The following CEP128 variants were observed in gnomAD, a reference collection of about 807,000 sequenced individuals.
CEP128 encodes the protein centrosomal protein 128kDa.
Under a neutral mutation model 156.7 loss-of-function variants are expected in CEP128, and 132 were observed. The observed-to-expected ratio is 0.84, with a 90% confidence interval of 0.73 to 0.97. CEP128 has a LOEUF of 0.97. Among genes scored for constraint, CEP128 ranks in the 50% least tolerant of loss-of-function variants. CEP128 has a pLI of 0.00. For synonymous variants in CEP128, 469 were observed against 448.9 expected, an observed-to-expected ratio of 1.04 and a Z score of -0.57; for missense variants, 1,252 against 1,281.9, an observed-to-expected ratio of 0.98 and a Z score of 0.36.
chr14:80,530,401 AT>A (rs1295163610), intron 22 of CEP128, among the ~76,000 whole-genome samples: 4 of 152,244 alleles, frequency 2.6e-5, no homozygotes, highest in Non-Finnish European at 5.9e-5. Context: ...TTCATATGTC[AT>A]AGTGTAAAGA....
chr14:80,713,525 A>T (rs745876074), intron 19 of CEP128, among the ~76,000 whole-genome samples: 5 of 152,050 alleles, frequency 3.3e-5, no homozygotes, highest in Non-Finnish European at 5.9e-5. Context: ...CCAAGCAGAG[A>T]TGGTGCCTCC....
At chr14:80,613,435 T>C (rs1351989140) in intron 19 of CEP128, among the ~76,000 whole-genome samples, 1 of 149,734 alleles carries the variant, frequency 6.7e-6, no homozygotes, top group African/African-American at 2.5e-5. Context: ...CTCGAGTAAT[T>C]GGGACTACAG....
chr14:80,625,090 A>C lies in CEP128; in HGVS notation c.2807-44667T>G, dbSNP rs904354972. Among the ~76,000 whole-genome samples, 4 of 152,290 alleles carry C rather than the reference A, an allele frequency of 2.6e-5. No individual in the cohort carries two copies. In the East Asian group the frequency reaches 7.7e-4, roughly 29 times the overall value. On this transcript the variant is annotated intron_variant, in intron 19 of 24. Coordinates refer to ENST00000555265, the MANE Select transcript of CEP128 (RefSeq NM_152446.5). Reference sequence around the variant, plus strand: ...TAAGTCTTTAATCCATTTTGAGTCAATATGTTTTGTATATGGTTAGAGACA... The same window carrying C: ...TAAGTCTTTAATCCATTTTGAGTCACTATGTTTTGTATATGGTTAGAGACA...
intron 18 of CEP128, among the ~76,000 whole-genome samples, chr14:80,744,557 C>T (rs549393209): frequency 5.3e-5 from 8 of 152,242 alleles, no homozygotes; most frequent in Non-Finnish European, 1.0e-4. Flanking sequence ...AACATTTATT[C>T]AAGAAACTCT....
intron 19 of CEP128, among the ~76,000 whole-genome samples, chr14:80,717,241 C>A (rs1043777111): frequency 6.6e-6 from 1 of 152,136 alleles, no homozygotes; most frequent in African/African-American, 2.4e-5. Context: ...ATAGTTGTCC[C>A]TTTCACGGCA....
intron 22 of CEP128, 135 bp from the exon 23 acceptor site, chr14:80,527,117 G>C (rs929726835): frequency 4.2e-5 from 24 of 569,344 alleles, no homozygotes; most frequent in Non-Finnish European, 6.2e-5. Context: ...ATATATAGGA[G>C]AATCACAGGC....
In CEP128 at chr14:80,509,868, T is replaced by C. The variant is rs1888163627; in HGVS notation, c.3073-4848A>G. 2.0e-5 allele frequency among the ~76,000 whole-genome samples: 3 copies of C among 152,216 alleles called. No individual in the cohort carries two copies. The South Asian group carries it at 6.2e-4, about 32-fold the overall frequency. On this transcript the variant is annotated intron_variant, in intron 23 of 24. Transcript: ENST00000555265. ...GAATATCCAGTTTTTACAGTAATAT[T>C]TATCAAAGAGACTGTCTTTTCCCCA...
At chr14:80,788,310 T>C (rs565785070) in intron 14 of CEP128, among the ~76,000 whole-genome samples, 14 of 149,438 alleles carry the variant, frequency 9.4e-5, no homozygotes, top group African/African-American at 3.2e-4. Flanking sequence ...TTTTTTTTTT[T>C]CTGTTTCCTG....
chr14:80,804,979 T>G (rs1461564653), intron 13 of CEP128, among the ~76,000 whole-genome samples: 1 of 152,112 alleles, frequency 6.6e-6, no homozygotes, highest in Admixed American at 6.5e-5. Context: ...GTTCCTGTTC[T>G]TCAACTAAAA....
intron 16 of CEP128, among the ~76,000 whole-genome samples, chr14:80,766,911 A>C (rs1900267522): frequency 6.6e-6 from 1 of 152,170 alleles, no homozygotes; most frequent in African/African-American, 2.4e-5. Flanking sequence ...GTTACTGGAA[A>C]TACAGCTTGT....
chr14:80,590,809 T>A (rs1356308466), intron 19 of CEP128, among the ~76,000 whole-genome samples: 1 of 152,126 alleles, frequency 6.6e-6, no homozygotes, highest in African/African-American at 2.4e-5. Flanking sequence ...AGCGGATCTC[T>A]TGGCAGAAAC....
At chr14:80,623,571 T>C (rs1330483494) in intron 19 of CEP128, among the ~76,000 whole-genome samples, 1 of 151,874 alleles carries the variant, frequency 6.6e-6, no homozygotes, top group Non-Finnish European at 1.5e-5. Flanking sequence ...ATGTTATACC[T>C]TATATTTATA....
intron 19 of CEP128, among the ~76,000 whole-genome samples, chr14:80,593,365 A>G (rs1031554592): frequency 3.3e-5 from 5 of 151,920 alleles, no homozygotes; most frequent in African/African-American, 1.2e-4. Flanking sequence ...GTGAAACCCC[A>G]TCTCTACTAA....
intron 9 of CEP128, among the ~76,000 whole-genome samples, chr14:80,848,892 A>G (rs988754588): frequency 5.9e-5 from 9 of 151,836 alleles, no homozygotes; most frequent in African/African-American, 1.9e-4. Flanking sequence ...ACTGCACTCT[A>G]GCCTGGGCAA....
intron 12 of CEP128, 65 bp downstream of exon 12, chr14:80,836,140 T>A: frequency 1.3e-6 from 2 of 1,485,790 alleles, no homozygotes; most frequent in South Asian, 2.4e-5. Context: ...GAAAAGTATT[T>A]TCTAAGAAAA....
At chr14:80,585,455 T>C (rs1891782002) in intron 19 of CEP128, among the ~76,000 whole-genome samples, 1 of 152,208 alleles carries the variant, frequency 6.6e-6, no homozygotes, top group African/African-American at 2.4e-5. Context: ...ACCCATCTAG[T>C]AACTTGAACC....
chr14:80,673,381 C>T (rs916080045), intron 19 of CEP128, among the ~76,000 whole-genome samples: 3 of 152,110 alleles, frequency 2.0e-5, no homozygotes, highest in South Asian at 4.2e-4. Context: ...CGGTGGCTCA[C>T]GCCTGTAATC....
chr14:80,545,864 T>C (rs1249345981), intron 21 of CEP128, among the ~76,000 whole-genome samples: 1 of 152,182 alleles, frequency 6.6e-6, no homozygotes, highest in East Asian at 1.9e-4. Flanking sequence ...TTCTCAACCA[T>C]AGTTGTACAT....
At chr14:80,795,811 A>C (rs1333672491) in intron 13 of CEP128, among the ~76,000 whole-genome samples, 1 of 152,204 alleles carries the variant, frequency 6.6e-6, no homozygotes, top group Non-Finnish European at 1.5e-5. Context: ...TAGTATTTTA[A>C]AATTTACCAA....
Sources: allele counts gnomAD v4.1 joint callset (sites outside exome capture counted in the v4.1 genomes callset), GRCh38; gene constraint gnomAD v4.1.1; transcripts MANE v1.5; gene names NCBI Gene and HGNC (gene_info 2026-07-23, HGNC 2026-07-21).